MEGF6: variants seen among roughly 807,000 people sequenced by gnomAD.
The protein encoded by MEGF6 is multiple EGF like domains 6, also known as multiple epidermal growth factor-like domains protein 6.
A neutral mutation model predicts 207.1 loss-of-function variants in MEGF6; 184 were observed. That is an observed-to-expected ratio of 0.89 (90% CI 0.79 to 1.00). The LOEUF is 1.00. MEGF6 is among the 50% of genes least tolerant of loss of function. MEGF6 has a pLI of 0.00. For synonymous variants in MEGF6, 1,038 were observed against 910.0 expected, an observed-to-expected ratio of 1.14 and a Z score of -2.53; for missense variants, 2,282 against 2,202.9, an observed-to-expected ratio of 1.04 and a Z score of -0.72.
intron 4 of MEGF6, among the ~76,000 whole-genome samples, chr1:3,550,733 G>A (rs1037572042): frequency 6.6e-6 from 1 of 152,238 alleles, no homozygotes; most frequent in Non-Finnish European, 1.5e-5. Flanking sequence ...CACCCAACCG[G>A]GGCAGGGCTC....
chr1:3,547,418 C>T (rs979307799), intron 4 of MEGF6, among the ~76,000 whole-genome samples: 15 of 152,160 alleles, frequency 9.9e-5, no homozygotes, highest in African/African-American at 3.6e-4. Flanking sequence ...GAGGAGGTGG[C>T]CCTGCTCCCG....
chr1:3,493,783 T>A lies in MEGF6; in HGVS notation c.4375A>T (p.Thr1459Ser), dbSNP rs748784603. ...ACCCCAGACTCACCCAGGTTACAGG[T>A]GGCTCCTGAGCGCCCTGGTGGGCAA... ...CLCPPGRSGA[T>S]CNLDCRRGQF... is the part of the protein sequence containing the mutation. Residue 1459 changes from threonine (T) to serine (S), a missense_variant, in exon 34 of 37, where the codon ACC (threonine) becomes TCC (serine). Thr to Ser is a moderately conservative substitution (Grantham distance 58, BLOSUM62 1). Transcript: ENST00000356575. 1.9e-6 allele frequency: 3 copies of A among 1,612,086 alleles called. No individual in the cohort carries two copies. The highest frequency in any genetic ancestry group is 2.5e-6 in the Non-Finnish European group (3 of 1,179,566).
rs1310051068 is a variant in MEGF6, at chr1:3,499,129, G to A, written c.3094+9C>T. 2 of 1,603,282 alleles carry A rather than the reference G, an allele frequency of 1.2e-6. No individual in the cohort carries two copies. The highest frequency in any genetic ancestry group is 1.3e-5 in the African/African-American group (1 of 74,790). ...GACCCCGGTCCCTGGACTCCTAGATGTGGCTTACCCTGCAGGCAGGAGGGC... is the reference window on the plus strand; with the variant it reads ...GACCCCGGTCCCTGGACTCCTAGATATGGCTTACCCTGCAGGCAGGAGGGC... On this transcript the variant is annotated intron_variant, in intron 24 of 36. Transcript: ENST00000356575.
chr1:3,610,778 G>A (rs927968665), intron 1 of MEGF6, among the ~76,000 whole-genome samples: 5 of 152,216 alleles, frequency 3.3e-5, no homozygotes, highest in African/African-American at 9.6e-5. Context: ...GGGAACAGAC[G>A]GCTTCCTCTC....
intron 4 of MEGF6, among the ~76,000 whole-genome samples, chr1:3,578,826 G>A (rs945630900): frequency 6.6e-6 from 1 of 151,544 alleles, no homozygotes; most frequent in Admixed American, 6.6e-5. Flanking sequence ...ACGTGGAGTG[G>A]GCAGGAGTGT....
chr1:3,510,952 A>G, intron 9 of MEGF6, 50 bp from the exon 10 acceptor site: 1 of 1,391,608 alleles, frequency 7.2e-7, no homozygotes. Flanking sequence ...CTGCACGTGC[A>G]CACGCCCCCA....
At chr1:3,541,509 G>A (rs1212814327) in intron 4 of MEGF6, among the ~76,000 whole-genome samples, 1 of 152,216 alleles carries the variant, frequency 6.6e-6, no homozygotes, top group African/African-American at 2.4e-5. Context: ...GCGGACATGC[G>A]GGCACCTGGC....
In MEGF6 at chr1:3,497,228, C is replaced by A; in HGVS notation, c.3481+5G>T. On this transcript the variant is annotated splice_donor_5th_base_variant and intron_variant, in intron 27 of 36. Transcript: ENST00000356575. ...TCCTCGGGGTGGGGGCTTGGGAGCACCTACCCTGCTCGCAGCCGGAGCCAG... is the reference window on the plus strand; with the variant it reads ...TCCTCGGGGTGGGGGCTTGGGAGCAACTACCCTGCTCGCAGCCGGAGCCAG... 1 of 1,529,380 alleles carries A rather than the reference C, an allele frequency of 6.5e-7. No individual in the cohort carries two copies. Among genetic ancestry groups the A allele is most frequent in the South Asian group, 1.3e-5 (1 of 78,672 alleles). 94.7% of individuals were successfully genotyped at this position (1,529,380 alleles called of 1,614,324 possible). A position where few individuals can be genotyped will look rare whatever the true frequency, so the allele number is the denominator to read the frequency against.
chr1:3,513,184 A>AT (rs1039250381), intron 7 of MEGF6, among the ~76,000 whole-genome samples: 24 of 151,602 alleles, frequency 1.6e-4, no homozygotes, highest in African/African-American at 2.7e-4. Context: ...CTTGAGTTCT[A>AT]TTTTTTTTAT....
At chr1:3,600,900 G>A (rs569467164) in intron 2 of MEGF6, among the ~76,000 whole-genome samples, 67 of 152,274 alleles carry the variant, frequency 4.4e-4, no homozygotes, top group Non-Finnish European at 4.4e-5. Context: ...CTCGGAGGTG[G>A]ACCTCGGCCC....
chr1:3,575,608 A>T (rs113253193), intron 4 of MEGF6, among the ~76,000 whole-genome samples: 1 of 140,052 alleles, frequency 7.1e-6, no homozygotes, highest in Non-Finnish European at 1.5e-5. Flanking sequence ...CAATCATGGC[A>T]GAAGGCAAGG....
chr1:3,617,061 G>A, the MEGF6 span, among the ~76,000 whole-genome samples: 20 of 151,818 alleles, frequency 1.3e-4, no homozygotes, highest in East Asian at 1.9e-3. Flanking sequence ...TCTACACCCT[G>A]CTCCCGCCAT....
At chr1:3,500,598 G>A (rs1045088918) in intron 21 of MEGF6, 35 bp downstream of exon 21, 5 of 1,535,902 alleles carry the variant, frequency 3.3e-6, no homozygotes, top group East Asian at 2.5e-5. Context: ...TGCGCACTCA[G>A]GAGGGTGGCA....
At chr1:3,521,165 G>A (rs1641733396) in intron 5 of MEGF6, among the ~76,000 whole-genome samples, 2 of 152,166 alleles carry the variant, frequency 1.3e-5, no homozygotes, top group South Asian at 4.1e-4. Flanking sequence ...CTCCACGGCA[G>A]CCCCAGGTTC....
In MEGF6 at chr1:3,509,067, G is replaced by A. The variant is rs368270989; in HGVS notation, c.1528+8C>T. 1.8e-4 allele frequency: 276 copies of A among 1,571,858 alleles called. No homozygotes were observed. The highest frequency in any genetic ancestry group is 9.7e-4 in the Admixed American group (53 of 54,718). On this transcript the variant is annotated splice_region_variant and intron_variant, in intron 12 of 36. Transcript: ENST00000356575. ...GCAGGAGCCCCCGGGGGCTGGGCCC[G>A]CGCTCACCAAACTTCTCTGTGAGCG...
At chr1:3,538,407 C>G (rs1178349681) in intron 4 of MEGF6, among the ~76,000 whole-genome samples, 1 of 152,246 alleles carries the variant, frequency 6.6e-6, no homozygotes, top group Non-Finnish European at 1.5e-5. Context: ...ATGGTAAACC[C>G]ATTACCCTGT....
rs558477722 is a variant in MEGF6, at chr1:3,516,904, T to C, written c.605-1377A>G. ...ACGTGTCCCTGGCACGTGCAGGCTGTGGGGAACCCAGGGCAGAACTCAGGT... is the reference window on the plus strand; with the variant it reads ...ACGTGTCCCTGGCACGTGCAGGCTGCGGGGAACCCAGGGCAGAACTCAGGT... On this transcript the variant is annotated intron_variant, in intron 5 of 36. Transcript: ENST00000356575. Among the ~76,000 whole-genome samples, 3 of 152,156 alleles carry C rather than the reference T, an allele frequency of 2.0e-5. No homozygotes were observed. In the South Asian group the frequency reaches 6.2e-4, roughly 31 times the overall value.
intron 21 of MEGF6, 151 bp from the exon 22 acceptor site, chr1:3,500,075 T>C (rs866391964): frequency 1.6e-6 from 2 of 1,248,298 alleles, no homozygotes; most frequent in Non-Finnish European, 2.2e-6. Flanking sequence ...CTCACTCACA[T>C]GCTTCATCCC....
chr1:3,567,929 C>A (rs970690887), intron 4 of MEGF6, among the ~76,000 whole-genome samples: 1 of 152,178 alleles, frequency 6.6e-6, no homozygotes, highest in Non-Finnish European at 1.5e-5. Context: ...TCGGGCTCCC[C>A]CAGGCTGCTG....
Sources: allele counts gnomAD v4.1 joint callset (sites outside exome capture counted in the v4.1 genomes callset), GRCh38; gene constraint gnomAD v4.1.1; transcripts MANE v1.5; gene names NCBI Gene and HGNC (gene_info 2026-07-23, HGNC 2026-07-21).